Variants in POC5 observed in about 807,000 individuals in gnomAD.
POC5 encodes the protein POC5 centriolar protein.
Under a neutral mutation model 62.9 loss-of-function variants are expected in POC5, and 48 were observed. The observed-to-expected ratio is 0.76, with a 90% confidence interval of 0.61 to 0.97. The LOEUF (loss-of-function observed/expected upper bound fraction) is 0.97, where lower values mean the gene tolerates loss of function less well. Ranked by LOEUF, POC5 falls within the 50% of genes least tolerant of loss-of-function variation. The pLI is 0.00. For synonymous variants in POC5, 236 were observed against 228.2 expected (o/e 1.03, Z -0.31); for missense variants, 696 against 679.5 (o/e 1.02, Z -0.27).
rs1045144017 is a variant in POC5, at chr5:75,692,439, G to C, written c.752C>G (p.Thr251Arg). The change falls in exon 7 of 12, where the codon ACA (threonine) becomes AGA (arginine). Residue 251 changes from threonine to arginine, a missense_variant. Coordinates refer to ENST00000428202, the MANE Select transcript of POC5 (RefSeq NM_001099271.2). ...KQKEKIELMR[T>R]FFHWRIGHVR... ...ATGGCCGATTCGCCAGTGGAAGAAT[G>C]TTCTCATCAACTCTATCTTTTCCTT... 1 of 1,597,384 alleles carries C rather than the reference G, an allele frequency of 6.3e-7. No homozygotes were observed. The highest frequency in any genetic ancestry group is 8.5e-7 in the Non-Finnish European group (1 of 1,171,552).
intron 4 of POC5, among the ~76,000 whole-genome samples, chr5:75,703,743 T>G (rs564224859): frequency 8.7e-4 from 133 of 152,276 alleles, no homozygotes; most frequent in Non-Finnish European, 1.5e-3. Flanking sequence ...AATGTAGAGG[T>G]GAGAAATGTA....
At position 75,707,761 on chromosome 5, in the gene POC5, T is replaced by G; in HGVS notation, c.199A>C (p.Ile67Leu). Residue 67 changes from isoleucine (I) to leucine (L), a missense_variant, in exon 3 of 12, where the codon ATT becomes CTT. Physicochemically the swap from Ile to Leu is conservative, Grantham distance 5 (BLOSUM62 2). Transcript: ENST00000428202. ...CCTTGACTATGAAGAATATCATGAA[T>G]TGTAGAAATTCTGACATCTGGCACC... ...ELVPDVRIST[I>L]HDILHSQGNN... 1 of 1,551,272 alleles carries G rather than the reference T, an allele frequency of 6.4e-7. No homozygotes were observed. Among genetic ancestry groups the G allele is most frequent in the African/African-American group, 1.4e-5 (1 of 73,256 alleles).
At chr5:75,701,620 AGAT>A (rs779107766) in intron 5 of POC5, among the ~76,000 whole-genome samples, 1 of 148,838 alleles carries the variant, frequency 6.7e-6, no homozygotes, top group Non-Finnish European at 1.5e-5. Context: ...ACCTAATGCT[AGAT>A]GATGAGTTAG....
Position 75,685,329 on chromosome 5 carries a change from C to T in POC5, c.1285G>A (p.Ala429Thr), listed in dbSNP as rs201218048. 1.8e-4 allele frequency: 295 copies of T among 1,613,884 alleles called. No homozygotes were observed. Among genetic ancestry groups the T allele is most frequent in the Non-Finnish European group, 2.3e-4 (271 of 1,179,900 alleles). Residue 429 changes from alanine (A) to threonine (T), a missense_variant, in exon 10 of 12, where the codon GCG becomes ACG. By Grantham distance (58) the Ala-to-Thr change is moderately conservative. Coordinates refer to ENST00000428202, the MANE Select transcript of POC5 (RefSeq NM_001099271.2). ...SPPAAVGGAS[A>T]TAVPSAASMT... ...GAAGCAGCTGAGGGAACGGCAGTCG[C>T]GCTGGCTCCTCCGACGGCGGCTGGT...
At chr5:75,684,118 T>C (rs1190331273) in intron 10 of POC5, among the ~76,000 whole-genome samples, 1 of 152,194 alleles carries the variant, frequency 6.6e-6, no homozygotes, top group Non-Finnish European at 1.5e-5. Flanking sequence ...TCACTGATTC[T>C]AGGAAAAACT....
At position 75,677,699 on chromosome 5, in the gene POC5, TATGTAA is replaced by T. The variant is rs1775721865; in HGVS notation, c.1584+69_1584+74del. ...ATAAATTTTTATCTTCTCAACATGT[TATGTAA>T]GTGTTTACTAGTCTATGAACTCTCA... On this transcript the variant is annotated intron_variant, in intron 11 of 11. Coordinates refer to ENST00000428202, the MANE Select transcript of POC5 (RefSeq NM_001099271.2). 2.5e-6 allele frequency: 3 copies of T among 1,192,818 alleles called. No individual in the cohort carries two copies. The African/African-American group carries it at 4.7e-5, about 19-fold the overall frequency. The allele number at this position is 1,192,818 out of a possible 1,614,324, so 73.9% of individuals were successfully genotyped here.
chr5:75,688,913 C>T, intron 9 of POC5, 99 bp downstream of exon 9: 1 of 1,154,542 alleles, frequency 8.7e-7, no homozygotes, highest in Non-Finnish European at 1.1e-6. Flanking sequence ...ATGAAACATA[C>T]CTACTGCAGA....
chr5:75,710,046 T>C (rs1777278843), intron 2 of POC5, among the ~76,000 whole-genome samples: 1 of 152,112 alleles, frequency 6.6e-6, no homozygotes, highest in Non-Finnish European at 1.5e-5. Context: ...TTCCTGCTGG[T>C]CCCCTCTTCC....
At position 75,708,664 on chromosome 5, in the gene POC5, C is replaced by T. The variant is rs537678429; in HGVS notation, c.85-789G>A. Among the ~76,000 whole-genome samples, 6 of 152,260 alleles carry T rather than the reference C, an allele frequency of 3.9e-5. No individual in the cohort carries two copies. The East Asian group carries it at 1.2e-3, about 29-fold the overall frequency. Reference sequence around the variant, plus strand: ...TTTGAATTTACAAAATAAATCTATACTACTGTAGTTTTGTTTTCATCTGCT... The same window carrying T: ...TTTGAATTTACAAAATAAATCTATATTACTGTAGTTTTGTTTTCATCTGCT... On this transcript the variant is annotated intron_variant, in intron 2 of 11. Coordinates refer to ENST00000428202, the MANE Select transcript of POC5 (RefSeq NM_001099271.2).
In POC5 at chr5:75,690,441, G is replaced by C; in HGVS notation, c.917C>G (p.Ala306Gly). ...CTGGATACAAACTTCTTCAGCTCTT[G>C]CTTGACAAGCTCTTTCTACCACATC... ...WKDVVERACQ[A>G]RAEEVCIQIS... is the part of the protein sequence containing the mutation. The change falls in exon 8 of 12, where the codon GCA becomes GGA. Residue 306 changes from alanine to glycine, a missense_variant. Ala to Gly is a moderately conservative substitution (Grantham distance 60). Coordinates refer to ENST00000428202, the MANE Select transcript of POC5 (RefSeq NM_001099271.2). The C allele has an allele frequency of 1.2e-6, 2 of 1,612,340 alleles. No individual in the cohort carries two copies. Among genetic ancestry groups the C allele is most frequent in the Non-Finnish European group, 1.7e-6 (2 of 1,179,134 alleles).
At chr5:75,701,630 T>G in intron 5 of POC5, among the ~76,000 whole-genome samples, 1 of 146,944 alleles carries the variant, frequency 6.8e-6, no homozygotes, top group Admixed American at 6.8e-5. Context: ...AGATGATGAG[T>G]TAGTGGGTGC....
chr5:75,687,913 G>C (rs1776166224), intron 9 of POC5, among the ~76,000 whole-genome samples: 1 of 152,056 alleles, frequency 6.6e-6, no homozygotes, highest in Non-Finnish European at 1.5e-5. Context: ...TTTCAACCCT[G>C]ATACTCAAAT....
intron 7 of POC5, among the ~76,000 whole-genome samples, chr5:75,691,932 T>C (rs1776353662): frequency 2.6e-5 from 4 of 152,206 alleles, no homozygotes; most frequent in African/African-American, 7.2e-5. Context: ...CAGGTATGGC[T>C]TTCTCTGACT....
At position 75,705,755 on chromosome 5, in the gene POC5, C is replaced by A. The variant is rs780046018; in HGVS notation, c.256G>T (p.Glu86Ter). 1.3e-6 allele frequency: 2 copies of A among 1,555,180 alleles called. No individual in the cohort carries two copies. Among genetic ancestry groups the A allele is most frequent in the Non-Finnish European group, 1.7e-6 (2 of 1,150,412 alleles). The change falls in exon 4 of 12, where the codon GAA becomes TAA. Residue 86 changes from glutamate to a stop codon, truncating the protein, a stop_gained. Transcript: ENST00000428202. LOFTEE classifies it high-confidence loss of function. ...NNSEVRETAI[E>*]VGKGCDFHIS... ...TGGAAATCACATCCTTTTCCAACTTCTATTGCAGTTTCTCTTACTTCAGAG... is the reference window on the plus strand; with the variant it reads ...TGGAAATCACATCCTTTTCCAACTTATATTGCAGTTTCTCTTACTTCAGAG...
At chr5:75,714,268 G>C (rs945455595) in intron 1 of POC5, among the ~76,000 whole-genome samples, 4 of 152,140 alleles carry the variant, frequency 2.6e-5, no homozygotes, top group South Asian at 4.1e-4. Flanking sequence ...TGTAATCCCA[G>C]CTACTTGGGA....
In POC5 at chr5:75,689,089, A is replaced by C. The variant is rs559852882; in HGVS notation, c.1052T>G (p.Met351Arg). 2 of 1,600,754 alleles carry C rather than the reference A, an allele frequency of 1.2e-6. No individual in the cohort carries two copies. Among genetic ancestry groups the C allele is most frequent in the African/African-American group, 2.7e-5 (2 of 74,874 alleles). ...TACACCCCTCATGAAAGCTTTTTTC[A>C]TGGAATCTTCAAAGTGCTCTTTTTC... ...QHEKEHFEDS[M>R]KKAFMRGVCA... The change falls in exon 9 of 12, where the codon ATG becomes AGG. Residue 351 changes from methionine to arginine, a missense_variant. Coordinates refer to ENST00000428202, the MANE Select transcript of POC5 (RefSeq NM_001099271.2).
intron 4 of POC5, among the ~76,000 whole-genome samples, chr5:75,704,304 T>A (rs1193400830): frequency 6.6e-6 from 1 of 152,230 alleles, no homozygotes; most frequent in Non-Finnish European, 1.5e-5. Context: ...TTCTTCCTAC[T>A]GAAGGAAAGA....
At chr5:75,690,616 G>A in intron 7 of POC5, 54 bp from the exon 8 acceptor site, 4 of 1,328,886 alleles carry the variant, frequency 3.0e-6, no homozygotes, top group Non-Finnish European at 3.1e-6. Flanking sequence ...TAAATATATT[G>A]GTAGTAATAA....
At chr5:75,714,199 G>C (rs924611250) in intron 1 of POC5, among the ~76,000 whole-genome samples, 1 of 152,092 alleles carries the variant, frequency 6.6e-6, no homozygotes, top group African/African-American at 2.4e-5. Context: ...GGCCAACATG[G>C]CGAAACCCTG....
Sources: allele counts gnomAD v4.1 joint callset (sites outside exome capture counted in the v4.1 genomes callset), GRCh38; gene constraint gnomAD v4.1.1; transcripts MANE v1.5; gene names NCBI Gene and HGNC (gene_info 2026-07-23, HGNC 2026-07-21).